HSD17B6: variants seen among roughly 807,000 people sequenced by gnomAD.
The protein encoded by HSD17B6 is 17-beta-hydroxysteroid dehydrogenase type 6.
HSD17B6 carries 16 observed loss-of-function variants against 26.4 expected under a neutral mutation model. The observed-to-expected ratio is 0.61, with a 90% CI of 0.41 to 0.92. HSD17B6 has a LOEUF of 0.92. Ranked by LOEUF, HSD17B6 falls within the 40% of genes least tolerant of loss-of-function variation. The pLI, the probability that HSD17B6 is intolerant of heterozygous loss-of-function variation, is 0.00. For missense variants in HSD17B6, 357 were observed against 386.1 expected, an observed-to-expected ratio of 0.92 and a Z score of 0.63; for synonymous variants, 139 against 153.0, an observed-to-expected ratio of 0.91 and a Z score of 0.68.
intron 3 of HSD17B6, 99 bp from the exon 4 acceptor site, chr12:56,784,754 A>C (rs1328462576): frequency 2.5e-6 from 3 of 1,202,706 alleles, no homozygotes; most frequent in Non-Finnish European, 3.5e-6. Context: ...TAAAATATTC[A>C]GTAAAGGTAT....
intron 3 of HSD17B6, among the ~76,000 whole-genome samples, chr12:56,784,019 C>T (rs1435495101): frequency 6.0e-5 from 9 of 151,250 alleles, no homozygotes; most frequent in Non-Finnish European, 8.8e-5. Context: ...TGGGCCGAGG[C>T]GCTCCTCACA....
At chr12:56,781,689 C>A (rs1262438252) in intron 2 of HSD17B6, among the ~76,000 whole-genome samples, 1 of 152,056 alleles carries the variant, frequency 6.6e-6, no homozygotes, top group Non-Finnish European at 1.5e-5. Context: ...GTAGTCCCAG[C>A]TACTTGGGAG....
intron 4 of HSD17B6, chr12:56,786,008 C>G (rs1281488346): frequency 3.2e-6 from 3 of 942,896 alleles, no homozygotes; most frequent in Non-Finnish European, 3.8e-6. Context: ...GGAATGACTT[C>G]TAATAGGTAC....
chr12:56,782,680 T>TA (rs1216887744), intron 3 of HSD17B6, among the ~76,000 whole-genome samples: 1 of 140,166 alleles, frequency 7.1e-6, no homozygotes. Context: ...TTTTTTTTTT[T>TA]ATTGATCATT....
intron 4 of HSD17B6, 57 bp from the exon 5 acceptor site, chr12:56,787,068 G>A (rs998296231): frequency 2.4e-5 from 33 of 1,347,622 alleles, no homozygotes; most frequent in Non-Finnish European, 3.3e-5. Context: ...GTGACTGCAT[G>A]ATCTTAAAAA....
intron 2 of HSD17B6, among the ~76,000 whole-genome samples, chr12:56,776,933 A>C (rs560111067): frequency 8.5e-5 from 13 of 152,336 alleles, no homozygotes; most frequent in Non-Finnish European, 1.6e-4. Flanking sequence ...AATTATGAAT[A>C]AATTCTCTTT....
At chr12:56,776,000 A>G (rs1376254007) in intron 2 of HSD17B6, among the ~76,000 whole-genome samples, 1 of 152,154 alleles carries the variant, frequency 6.6e-6, no homozygotes, top group Admixed American at 6.6e-5. Context: ...ATCTCGGCTC[A>G]CTGCAACCTC....
intron 1 of HSD17B6, among the ~76,000 whole-genome samples, chr12:56,769,253 C>T (rs1241339906): frequency 6.6e-6 from 1 of 152,058 alleles, no homozygotes; most frequent in African/African-American, 2.4e-5. Context: ...CAGGCACTGC[C>T]ACCACACTCA....
intron 3 of HSD17B6, among the ~76,000 whole-genome samples, chr12:56,784,251 C>T (rs977840886): frequency 1.1e-4 from 17 of 151,774 alleles, no homozygotes; most frequent in African/African-American, 2.7e-4. Context: ...CAGGCAGAGA[C>T]GCTCCTCACT....
chr12:56,782,360 AT>A, intron 3 of HSD17B6, 128 bp downstream of exon 3: 1 of 920,394 alleles, frequency 1.1e-6, no homozygotes, highest in Non-Finnish European at 1.6e-6. Context: ...TTACTAGTCT[AT>A]TTTATATAGC....
At chr12:56,773,795 T>C in intron 1 of HSD17B6, 39 bp from the exon 2 acceptor site, 1 of 1,495,644 alleles carries the variant, frequency 6.7e-7, no homozygotes, top group Non-Finnish European at 9.0e-7. Context: ...ATTGGTTAAA[T>C]AATAAGGAAG....
At chr12:56,771,247 C>T (rs1023756640) in intron 1 of HSD17B6, among the ~76,000 whole-genome samples, 2 of 152,124 alleles carry the variant, frequency 1.3e-5, no homozygotes, top group Admixed American at 1.3e-4. Flanking sequence ...ACCACCTATT[C>T]CTGTGCCTTC....
At chr12:56,773,469 C>T (rs1005124069) in intron 1 of HSD17B6, among the ~76,000 whole-genome samples, 1 of 152,220 alleles carries the variant, frequency 6.6e-6, no homozygotes, top group African/African-American at 2.4e-5. Flanking sequence ...GTGCTGCTCA[C>T]GACTCCCTTC....
intron 1 of HSD17B6, among the ~76,000 whole-genome samples, chr12:56,764,068 C>CAAAAAAAAAAAAAAAAAAAAAAAAA (rs71081400): frequency 1.1e-4 from 8 of 74,338 alleles, no homozygotes; most frequent in African/African-American, 2.5e-4. Flanking sequence ...GACCGTGTCT[C>CAAAAAAAAAAAAAAAAAAAAAAAAA]AAAAAAAAAA....
At chr12:56,782,712 G>A (rs1199467035) in intron 3 of HSD17B6, among the ~76,000 whole-genome samples, 3 of 151,634 alleles carry the variant, frequency 2.0e-5, no homozygotes, top group Non-Finnish European at 4.4e-5. Flanking sequence ...CTCGCAGAGG[G>A]GGATTTGGCA....
At chr12:56,770,639 T>G (rs1025765456) in intron 1 of HSD17B6, 4 of 152,190 alleles carry the variant, frequency 2.6e-5, no homozygotes, top group African/African-American at 7.2e-5. Context: ...CTATGTGCCA[T>G]TCACTGGGCC....
In HSD17B6 at chr12:56,787,238, G is replaced by C. The variant is rs1265735603; in HGVS notation, c.850G>C (p.Gly284Arg). 6.2e-7 allele frequency: 1 copy of C among 1,614,086 alleles called. No homozygotes were observed. The highest frequency in any genetic ancestry group is 8.5e-7 in the Non-Finnish European group (1 of 1,179,944). ...SVHPRTRYSA[G>R]WDAKFFFIPL... is the part of the protein sequence containing the mutation. ...GCATCCGCGAACTCGATATTCAGCT[G>C]GCTGGGATGCTAAATTTTTCTTCAT... Residue 284 changes from glycine to arginine, a missense_variant, in exon 5 of 5, where the codon GGC becomes CGC. Coordinates refer to ENST00000322165, the MANE Select transcript of HSD17B6 (RefSeq NM_003725.4).
intron 2 of HSD17B6, among the ~76,000 whole-genome samples, chr12:56,774,745 T>G (rs529329449): frequency 4.6e-5 from 7 of 152,260 alleles, no homozygotes; most frequent in African/African-American, 1.7e-4. Flanking sequence ...ATCCCTGGCA[T>G]GTGCAGTTCA....
intron 1 of HSD17B6, among the ~76,000 whole-genome samples, chr12:56,765,802 C>T (rs1954315167): frequency 6.6e-6 from 1 of 152,104 alleles, no homozygotes; most frequent in Non-Finnish European, 1.5e-5. Flanking sequence ...CCACTGTGCC[C>T]AGCCTCATGA....
Sources: allele counts gnomAD v4.1 joint callset (sites outside exome capture counted in the v4.1 genomes callset), GRCh38; gene constraint gnomAD v4.1.1; transcripts MANE v1.5; gene names NCBI Gene and HGNC (gene_info 2026-07-23, HGNC 2026-07-21).